The following SERTM2 variants were observed in gnomAD, a reference collection of about 807,000 sequenced individuals.
SERTM2 encodes serine-rich and transmembrane domain-containing protein 2.
chrX:111,516,638 C>A (rs929101301), intron 2 of SERTM2, among the ~76,000 whole-genome samples: 23 of 109,605 alleles, frequency 2.1e-4, no homozygotes, highest in African/African-American at 7.2e-4. Flanking sequence ...ATATATCTCT[C>A]TCTCTCTCTC....
intron 2 of SERTM2, among the ~76,000 whole-genome samples, chrX:111,513,603 G>A (rs1197278831): frequency 9.0e-6 from 1 of 111,453 alleles, no homozygotes; most frequent in African/African-American, 3.3e-5. Flanking sequence ...AAGCTTTTAT[G>A]AGAAGTAGTC....
chrX:111,516,772 C>G (rs1303293597), intron 2 of SERTM2, among the ~76,000 whole-genome samples: 1 of 111,171 alleles, frequency 9.0e-6, no homozygotes, highest in Non-Finnish European at 1.9e-5. Context: ...AAACTTTAAG[C>G]TGAAGTGTTC....
At position 111,518,672 on chromosome X, in the gene SERTM2, G is replaced by A. The variant is rs1160998401; in HGVS notation, c.-186G>A. Reference sequence around the variant, plus strand: ...TGCTGTGCTGAAGGATAGAGAGGGTGTTGCAATTGTCAAATAGCATCACCA... The same window carrying A: ...TGCTGTGCTGAAGGATAGAGAGGGTATTGCAATTGTCAAATAGCATCACCA... On this transcript the variant is annotated 5_prime_UTR_variant, in exon 3 of 3. Coordinates refer to ENST00000569275, the MANE Select transcript of SERTM2 (RefSeq NM_001354473.2). 2 of 294,467 alleles carry A rather than the reference G, an allele frequency of 6.8e-6. No homozygotes were observed. The highest frequency in any genetic ancestry group is 1.2e-5 in the Non-Finnish European group (2 of 168,590). The allele number at this position is 294,467 out of a possible 1,213,427, so 24.3% of individuals were successfully genotyped here.
At chrX:111,516,484 T>C (rs1044698422) in intron 2 of SERTM2, among the ~76,000 whole-genome samples, 1 of 110,817 alleles carries the variant, frequency 9.0e-6, no homozygotes, top group Non-Finnish European at 1.9e-5. Flanking sequence ...AAGCTCAGTA[T>C]ACAAAGAAAT....
At position 111,518,783 on chromosome X, in the gene SERTM2, A is replaced by G. The variant is rs1930361838; in HGVS notation, c.-75A>G. 3.4e-6 allele frequency: 1 copy of G among 295,150 alleles called. No homozygotes were observed. Among genetic ancestry groups the G allele is most frequent in the East Asian group, 4.8e-5 (1 of 20,925 alleles). The allele number at this position is 295,150 out of a possible 1,213,427, so 24.3% of individuals were successfully genotyped here. A position where few individuals can be genotyped will look rare whatever the true frequency, so the allele number is the denominator to read the frequency against. On this transcript the variant is annotated 5_prime_UTR_variant, in exon 3 of 3. Transcript: ENST00000569275. ...GAACACGTCCAATAGATTTAGAGAC[A>G]GTCTAAGTGACTGTGAAATGCCTCA...
chrX:111,514,554 G>A (rs1930277997), intron 2 of SERTM2, among the ~76,000 whole-genome samples: 1 of 111,298 alleles, frequency 9.0e-6, no homozygotes, highest in Non-Finnish European at 1.9e-5. Flanking sequence ...AAGATAGAAG[G>A]AACTGGTCAA....
At position 111,519,779 on chromosome X, in the gene SERTM2, T is replaced by G. The variant is rs1365134056; in HGVS notation, c.*649T>G. The G allele has an allele frequency of 8.9e-6, 1 of 112,017 alleles. No individual in the cohort carries two copies. Among genetic ancestry groups the G allele is most frequent in the African/African-American group, 3.2e-5 (1 of 30,871 alleles). The allele number at this position is 112,017 out of a possible 1,213,427, so 9.2% of individuals were successfully genotyped here. A position where few individuals can be genotyped will look rare whatever the true frequency, so the allele number is the denominator to read the frequency against. ...ATCTAGAGAGAGAAAAATGTGCATA[T>G]TATATCCATATTAATTCTATTCATG... is the stretch of plus-strand genomic sequence containing the variant. On this transcript the variant is annotated 3_prime_UTR_variant, in exon 3 of 3. Coordinates refer to ENST00000569275, the MANE Select transcript of SERTM2 (RefSeq NM_001354473.2).
chrX:111,515,605 A>G lies in SERTM2; in HGVS notation c.-783-2470A>G, dbSNP rs895722490. 6.4e-4 allele frequency among the ~76,000 whole-genome samples: 72 copies of G among 111,638 alleles called. 1 individual carries two copies. Among genetic ancestry groups the G allele is most frequent in the African/African-American group, 2.1e-3 (64 of 30,667 alleles). The stretch of plus-strand genomic sequence containing the variant: ...TAAGCAATACAGATGTTCATGCCCC[A>G]TACAGAGCTACTGAATCAGAAACCC... On this transcript the variant is annotated intron_variant, in intron 2 of 2. Coordinates refer to ENST00000569275, the MANE Select transcript of SERTM2 (RefSeq NM_001354473.2).
chrX:111,516,108 C>T (rs1279307531), intron 2 of SERTM2, among the ~76,000 whole-genome samples: 4 of 107,122 alleles, frequency 3.7e-5, no homozygotes, highest in Admixed American at 1.0e-4. Flanking sequence ...CTTGCCACTT[C>T]GAGCCTCTGG....
At chrX:111,515,780 GA>G (rs1930298855) in intron 2 of SERTM2, among the ~76,000 whole-genome samples, 1 of 110,829 alleles carries the variant, frequency 9.0e-6, no homozygotes, top group Admixed American at 9.6e-5. Flanking sequence ...TGTCCCCAGA[GA>G]TTCTAATCTA....
chrX:111,521,672 C>T lies in SERTM2; in HGVS notation c.*2542C>T, dbSNP rs1216501803. ...GACTTGGATTGCCTTCCCCCACCCC[C>T]ACTCCCTCCAAAATTGCACATTAGC... On this transcript the variant is annotated 3_prime_UTR_variant, in exon 3 of 3. Coordinates refer to ENST00000569275, the MANE Select transcript of SERTM2 (RefSeq NM_001354473.2). 1 of 108,756 alleles carries T rather than the reference C, an allele frequency of 9.2e-6. No homozygotes were observed. Among genetic ancestry groups the T allele is most frequent in the Non-Finnish European group, 1.9e-5 (1 of 52,416 alleles). The allele number at this position is 108,756 out of a possible 1,213,427, so 9.0% of individuals were successfully genotyped here. A position where few individuals can be genotyped will look rare whatever the true frequency, so the allele number is the denominator to read the frequency against.
intron 2 of SERTM2, among the ~76,000 whole-genome samples, chrX:111,515,441 C>T (rs1449123303): frequency 1.8e-5 from 2 of 111,311 alleles, no homozygotes; most frequent in Admixed American, 9.5e-5. Context: ...ATATATGAAG[C>T]ACTCTGAATA....
chrX:111,515,003 C>G (rs1264435312), intron 2 of SERTM2, among the ~76,000 whole-genome samples: 1 of 110,162 alleles, frequency 9.1e-6, no homozygotes, highest in Non-Finnish European at 1.9e-5. Context: ...ATGGGAGGAG[C>G]ATAGGTAGAT....
At position 111,511,815 on chromosome X, in the gene SERTM2, T is replaced by TGC. The variant is rs1456529575; in HGVS notation, c.-899_-898insCG. 3.8e-6 allele frequency: 1 copy of TGC among 266,454 alleles called. No individual in the cohort carries two copies. Among genetic ancestry groups the TGC allele is most frequent in the East Asian group, 5.3e-5 (1 of 18,811 alleles). 22.0% of individuals were successfully genotyped at this position (266,454 alleles called of 1,213,427 possible). A position where few individuals can be genotyped will look rare whatever the true frequency, so the allele number is the denominator to read the frequency against. ...TCAGAGCTTATAAGGAGCAGGCATC[T>TGC]GAAGCTGCACTCTGAAGCTGTAAGT... On this transcript the variant is annotated 5_prime_UTR_variant, in exon 1 of 3. Coordinates refer to ENST00000569275, the MANE Select transcript of SERTM2 (RefSeq NM_001354473.2).
At chrX:111,516,632 ATC>A (rs762410119) in intron 2 of SERTM2, among the ~76,000 whole-genome samples, 39 of 106,980 alleles carry the variant, frequency 3.6e-4, no homozygotes, top group Non-Finnish European at 3.9e-4. Context: ...GATATTATAT[ATC>A]TCTCTCTCTC....
At chrX:111,517,229 G>A (rs1434191895) in intron 2 of SERTM2, among the ~76,000 whole-genome samples, 1 of 110,900 alleles carries the variant, frequency 9.0e-6, no homozygotes, top group African/African-American at 3.3e-5. Context: ...GAAAATTGGA[G>A]GAAGCCTGCA....
At position 111,512,054 on chromosome X, in the gene SERTM2, A is replaced by G. The variant is rs1283969059; in HGVS notation, c.-824A>G. 3.4e-6 allele frequency: 1 copy of G among 294,880 alleles called. No individual in the cohort carries two copies. The highest frequency in any genetic ancestry group is 2.7e-5 in the African/African-American group (1 of 36,411). The allele number at this position is 294,880 out of a possible 1,213,427, so 24.3% of individuals were successfully genotyped here. A position where few individuals can be genotyped will look rare whatever the true frequency, so the allele number is the denominator to read the frequency against. ...TGTTGGTGAAAGCTTCAAAAGGGAT[A>G]CTTAAGTGACCAATCCTATTCATAC... is the stretch of plus-strand genomic sequence containing the variant. On this transcript the variant is annotated 5_prime_UTR_variant, in exon 2 of 3. It adds an upstream start codon to the 5' untranslated region. Transcript: ENST00000569275.
At chrX:111,513,651 C>G (rs1334458298) in intron 2 of SERTM2, among the ~76,000 whole-genome samples, 1 of 111,283 alleles carries the variant, frequency 9.0e-6, no homozygotes, top group Non-Finnish European at 1.9e-5. Context: ...AGAGGATTTC[C>G]TAATATCTAA....
At position 111,520,219 on chromosome X, in the gene SERTM2, T is replaced by C. The variant is rs2147491752; in HGVS notation, c.*1089T>C. 1 of 111,973 alleles carries C rather than the reference T, an allele frequency of 8.9e-6. No homozygotes were observed. The highest frequency in any genetic ancestry group is 3.2e-5 in the African/African-American group (1 of 30,886). 9.2% of individuals were successfully genotyped at this position (111,973 alleles called of 1,213,427 possible). A position where few individuals can be genotyped will look rare whatever the true frequency, so the allele number is the denominator to read the frequency against. ...GATGAAGTGTTTCACTTATTACCTA[T>C]AAGAGAATTATATTTTGAAAAATTC... is the stretch of plus-strand genomic sequence containing the variant. On this transcript the variant is annotated 3_prime_UTR_variant, in exon 3 of 3. Coordinates refer to ENST00000569275, the MANE Select transcript of SERTM2 (RefSeq NM_001354473.2).
Sources: gnomAD v4.1 joint callset for allele counts (sites outside exome capture counted in the v4.1 genomes callset) on GRCh38, gnomAD v4.1.1 for gene constraint, MANE v1.5 for transcripts, NCBI Gene and HGNC (gene_info 2026-07-23, HGNC 2026-07-21) for gene names.